CPNE4: variants seen among roughly 807,000 people sequenced by gnomAD.
CPNE4 encodes the protein copine-4.
Under a neutral mutation model 67.9 loss-of-function variants are expected in CPNE4, and 25 were observed. The observed-to-expected ratio is 0.37, with a 90% CI of 0.27 to 0.51. CPNE4 has a LOEUF of 0.51. Among genes scored for constraint, CPNE4 ranks in the 20% least tolerant of loss-of-function variants. The probability of loss-of-function intolerance (pLI) is 0.93; values close to 1 mark genes in which losing one functional copy is unlikely to be tolerated. For synonymous variants in CPNE4, 242 were observed against 244.9 expected (o/e 0.99, Z 0.11); for missense variants, 464 against 690.8 (o/e 0.67, Z 3.68).
At chr3:131,794,241 CTTT>C (rs560693108) in intron 2 of CPNE4, among the ~76,000 whole-genome samples, 33 of 142,050 alleles carry the variant, frequency 2.3e-4, no homozygotes, top group East Asian at 4.1e-4. Context: ...TTGGAAACAA[CTTT>C]TTTTTTTTTT....
intron 2 of CPNE4, among the ~76,000 whole-genome samples, chr3:131,804,737 T>C (rs2084250605): frequency 6.6e-6 from 1 of 152,254 alleles, no homozygotes; most frequent in Non-Finnish European, 1.5e-5. Flanking sequence ...TAAATGCTTC[T>C]GCTCTTTCTC....
intron 2 of CPNE4, among the ~76,000 whole-genome samples, chr3:131,895,452 C>G (rs185222548): frequency 3.0e-4 from 45 of 151,892 alleles, no homozygotes; most frequent in African/African-American, 1.0e-3. Flanking sequence ...GAAATTGTCC[C>G]CCATCAATAT....
intron 10 of CPNE4, among the ~76,000 whole-genome samples, chr3:131,569,055 A>G (rs575974887): frequency 2.7e-4 from 41 of 151,962 alleles, no homozygotes; most frequent in African/African-American, 9.9e-4. Flanking sequence ...ATTCTTTTCT[A>G]TTTTCAGAAA....
chr3:131,947,441 G>C (rs2071586067), intron 1 of CPNE4, among the ~76,000 whole-genome samples: 1 of 151,982 alleles, frequency 6.6e-6, no homozygotes, highest in Non-Finnish European at 1.5e-5. Context: ...CTGTGTCCAT[G>C]TGTTCTCATC....
chr3:132,016,015 A>G (rs1296791391), intron 1 of CPNE4, among the ~76,000 whole-genome samples: 2 of 152,258 alleles, frequency 1.3e-5, no homozygotes, highest in South Asian at 2.1e-4. Context: ...CCAAAAACAC[A>G]GGTGAAATAA....
intron 7 of CPNE4, among the ~76,000 whole-genome samples, chr3:131,615,889 T>TCACACA (rs1317031280): frequency 2.0e-5 from 2 of 100,264 alleles, no homozygotes; most frequent in African/African-American, 1.3e-4. Flanking sequence ...CATCTCTCTC[T>TCACACA]CTCACACACA....
chr3:131,840,023 CATGAAT>C lies in CPNE4; in HGVS notation c.180+65235_180+65240del, dbSNP rs529116862. On this transcript the variant is annotated intron_variant, in intron 2 of 15. Transcript: ENST00000429747. ...TAATGTCCAATCAGGAGGAAACAAT[CATGAAT>C]ATACATACATACATTCATGTAGCAT... 2.2e-4 allele frequency among the ~76,000 whole-genome samples: 33 copies of C among 152,242 alleles called. No individual in the cohort carries two copies. The South Asian group carries it at 6.8e-3, about 32-fold the overall frequency.
At chr3:131,891,414 C>T (rs2088107294) in intron 2 of CPNE4, among the ~76,000 whole-genome samples, 1 of 149,672 alleles carries the variant, frequency 6.7e-6, no homozygotes, top group Non-Finnish European at 1.5e-5. Flanking sequence ...ACTCATCAAG[C>T]TACGAGTTTT....
rs1013278011 is a variant in CPNE4, at chr3:132,034,745, C to T, written c.-180G>A. 4.1e-6 allele frequency: 4 copies of T among 984,874 alleles called. No individual in the cohort carries two copies. Among genetic ancestry groups the T allele is most frequent in the Admixed American group, 6.2e-5 (1 of 16,184 alleles). 61.0% of individuals were successfully genotyped at this position (984,874 alleles called of 1,614,324 possible). A position where few individuals can be genotyped will look rare whatever the true frequency, so the allele number is the denominator to read the frequency against. ...TCCTCCGAGGTCAGTTTAGCAACAG[C>T]GGCTGGGAAAGGTGCTGAGAGCAGA... On this transcript the variant is annotated 5_prime_UTR_variant, in exon 1 of 16. Coordinates refer to ENST00000429747, the MANE Select transcript of CPNE4 (RefSeq NM_130808.3).
At chr3:131,553,249 A>T (rs994384568) in intron 12 of CPNE4, among the ~76,000 whole-genome samples, 3 of 151,852 alleles carry the variant, frequency 2.0e-5, no homozygotes, top group Middle Eastern at 3.2e-3. Flanking sequence ...CCAAGCTCTG[A>T]CTCTTTTGGG....
intron 1 of CPNE4, among the ~76,000 whole-genome samples, chr3:131,962,669 G>A (rs1320550745): frequency 6.6e-6 from 1 of 151,866 alleles, no homozygotes; most frequent in Non-Finnish European, 1.5e-5. Flanking sequence ...TCTAAACCAT[G>A]AAATCCTAAA....
chr3:131,943,841 C>T (rs113168923), intron 1 of CPNE4, among the ~76,000 whole-genome samples: 76 of 152,204 alleles, frequency 5.0e-4, no homozygotes, highest in African/African-American at 1.2e-3. Flanking sequence ...TTGTGCATTA[C>T]GCTGTAGCAA....
chr3:131,909,278 T>C (rs1427327853), intron 1 of CPNE4, among the ~76,000 whole-genome samples: 1 of 152,170 alleles, frequency 6.6e-6, no homozygotes, highest in Admixed American at 6.6e-5. Flanking sequence ...ATAGACAATT[T>C]ATTCTTCAAT....
chr3:131,767,220 G>T (rs1342028490), intron 2 of CPNE4, among the ~76,000 whole-genome samples: 1 of 151,740 alleles, frequency 6.6e-6, no homozygotes, highest in Non-Finnish European at 1.5e-5. Context: ...CTAATTAAGG[G>T]ATAGTAAAGG....
chr3:131,951,729 G>A (rs1488861572), intron 1 of CPNE4, among the ~76,000 whole-genome samples: 2 of 152,214 alleles, frequency 1.3e-5, no homozygotes, highest in African/African-American at 2.4e-5. Flanking sequence ...CGCCTGACTG[G>A]TTTTCGTATT....
At chr3:131,849,952 A>G (rs2086171929) in intron 2 of CPNE4, among the ~76,000 whole-genome samples, 1 of 152,164 alleles carries the variant, frequency 6.6e-6, no homozygotes, top group African/African-American at 2.4e-5. Flanking sequence ...AAACCCAGGC[A>G]TAAAAAGCTA....
intron 2 of CPNE4, among the ~76,000 whole-genome samples, chr3:131,797,397 C>G (rs894081076): frequency 6.6e-6 from 1 of 152,152 alleles, no homozygotes; most frequent in African/African-American, 2.4e-5. Flanking sequence ...ACAGCACTGA[C>G]TAATCCAGAC....
At chr3:131,987,146 A>C (rs150249566) in intron 1 of CPNE4, among the ~76,000 whole-genome samples, 47 of 152,318 alleles carry the variant, frequency 3.1e-4, no homozygotes, top group African/African-American at 1.1e-3. Context: ...TCAGACTCTG[A>C]AAATATTAAG....
intron 2 of CPNE4, among the ~76,000 whole-genome samples, chr3:131,774,478 A>G (rs2083247565): frequency 6.6e-6 from 1 of 152,152 alleles, no homozygotes; most frequent in Admixed American, 6.6e-5. Context: ...GAGCAAAAGT[A>G]TGAAAGAACC....
Sources: allele counts gnomAD v4.1 joint callset (sites outside exome capture counted in the v4.1 genomes callset), GRCh38; gene constraint gnomAD v4.1.1; transcripts MANE v1.5; gene names NCBI Gene and HGNC (gene_info 2026-07-23, HGNC 2026-07-21).